RAB10: variants seen among roughly 807,000 people sequenced by gnomAD.
RAB10 encodes ras-related protein Rab-10.
RAB10 carries 5 observed loss-of-function variants against 25.7 expected under a neutral mutation model. That is an observed-to-expected ratio of 0.19 (90% CI 0.10 to 0.41). The LOEUF (loss-of-function observed/expected upper bound fraction) is 0.41, where lower values mean the gene tolerates loss of function less well. Among genes scored for constraint, RAB10 ranks in the 10% least tolerant of loss-of-function variants. The pLI, the probability that RAB10 is intolerant of heterozygous loss-of-function variation, is 1.00. For synonymous variants in RAB10, 89 were observed against 86.4 expected (o/e 1.03, Z -0.16); for missense variants, 103 against 245.8 (o/e 0.42, Z 3.89).
At chr2:26,103,377 C>T (rs909311894) in intron 2 of RAB10, among the ~76,000 whole-genome samples, 4 of 152,180 alleles carry the variant, frequency 2.6e-5, no homozygotes, top group South Asian at 2.1e-4. Context: ...AACAAACTTA[C>T]GAATTTAAAA....
chr2:26,116,848 G>A (rs1424628237), intron 3 of RAB10, among the ~76,000 whole-genome samples: 1 of 151,202 alleles, frequency 6.6e-6, no homozygotes, highest in African/African-American at 2.4e-5. Flanking sequence ...GAGCCACCAC[G>A]CCCGGCCTTT....
At chr2:26,087,609 C>T (rs1374881255) in intron 1 of RAB10, among the ~76,000 whole-genome samples, 1 of 152,100 alleles carries the variant, frequency 6.6e-6, no homozygotes, top group East Asian at 1.9e-4. Flanking sequence ...CACCAGTTGA[C>T]CAGGTTGGTC....
At chr2:26,120,932 G>A (rs552633695) in intron 3 of RAB10, among the ~76,000 whole-genome samples, 1 of 150,104 alleles carries the variant, frequency 6.7e-6, no homozygotes, top group South Asian at 2.1e-4. Flanking sequence ...TTTTTCCCGA[G>A]ACAAAGTCTT....
At position 26,034,188 on chromosome 2, in the gene RAB10, G is replaced by A. The variant is rs1193402693; in HGVS notation, c.-421G>A. 4.7e-6 allele frequency: 2 copies of A among 428,346 alleles called. No homozygotes were observed. Among genetic ancestry groups the A allele is most frequent in the Non-Finnish European group, 4.1e-6 (1 of 242,140 alleles). The allele number at this position is 428,346 out of a possible 1,614,324, so 26.5% of individuals were successfully genotyped here. A position where few individuals can be genotyped will look rare whatever the true frequency, so the allele number is the denominator to read the frequency against. On this transcript the variant is annotated 5_prime_UTR_variant, in exon 1 of 6. Coordinates refer to ENST00000264710, the MANE Select transcript of RAB10 (RefSeq NM_016131.5). ...CTATGTAACTGAGCTCGTCGACTTA[G>A]GGGTCCTTCTTCGCTGCCCTCGCCG...
At chr2:26,074,764 A>G (rs1666697100) in intron 1 of RAB10, among the ~76,000 whole-genome samples, 1 of 152,212 alleles carries the variant, frequency 6.6e-6, no homozygotes, top group African/African-American at 2.4e-5. Context: ...AGTTAAGAGC[A>G]TGGGATCTGG....
Position 26,136,823 on chromosome 2 carries a change from T to G in RAB10, c.*1802T>G, listed in dbSNP as rs1029190493. 4.6e-5 allele frequency: 7 copies of G among 152,614 alleles called. No individual in the cohort carries two copies. Among genetic ancestry groups the G allele is most frequent in the African/African-American group, 1.7e-4 (7 of 41,456 alleles). The allele number at this position is 152,614 out of a possible 1,614,324, so 9.5% of individuals were successfully genotyped here. ...AAACAATTTTATATGCCTCACTGGT[T>G]GTTATTCTTAGGTTATTCCCACACT... On this transcript the variant is annotated 3_prime_UTR_variant, in exon 6 of 6. Coordinates refer to ENST00000264710, the MANE Select transcript of RAB10 (RefSeq NM_016131.5).
At chr2:26,127,619 C>T (rs1047877885) in intron 4 of RAB10, among the ~76,000 whole-genome samples, 2 of 152,116 alleles carry the variant, frequency 1.3e-5, no homozygotes, top group Non-Finnish European at 2.9e-5. Context: ...CATAAGTTTG[C>T]CCCCAGTGTG....
chr2:26,079,046 G>A (rs1482842669), intron 1 of RAB10, among the ~76,000 whole-genome samples: 3 of 152,040 alleles, frequency 2.0e-5, no homozygotes, highest in Non-Finnish European at 4.4e-5. Context: ...AATTAGCTGA[G>A]TATGGTGGTG....
intron 1 of RAB10, among the ~76,000 whole-genome samples, chr2:26,048,042 T>G (rs1340375442): frequency 6.6e-6 from 1 of 151,822 alleles, no homozygotes; most frequent in South Asian, 2.1e-4. Flanking sequence ...CATTAGTTTT[T>G]TTTTTTTTTT....
chr2:26,042,863 G>A (rs1574524241), intron 1 of RAB10: 1 of 151,820 alleles, frequency 6.6e-6, no homozygotes, highest in East Asian at 1.9e-4. Flanking sequence ...AAGATGTTCA[G>A]CATCACTAAT....
At chr2:26,044,995 G>GTTT (rs80128722) in intron 1 of RAB10, among the ~76,000 whole-genome samples, 1 of 136,668 alleles carries the variant, frequency 7.3e-6, no homozygotes, top group South Asian at 2.4e-4. Context: ...TTTTGTTTTT[G>GTTT]TTTTTTTTTT....
In RAB10 at chr2:26,034,300, G is replaced by T. The variant is rs1048011648; in HGVS notation, c.-309G>T. ...GACGGCAGAGCAGGCTTGCTCGCCC[G>T]TGGGAGCGTCCCGGCCGAGAAGCCC... is the stretch of plus-strand genomic sequence containing the variant. On this transcript the variant is annotated 5_prime_UTR_variant, in exon 1 of 6. Coordinates refer to ENST00000264710, the MANE Select transcript of RAB10 (RefSeq NM_016131.5). 3.7e-6 allele frequency: 2 copies of T among 546,088 alleles called. No individual in the cohort carries two copies. Among genetic ancestry groups the T allele is most frequent in the Non-Finnish European group, 6.5e-6 (2 of 306,134 alleles). 33.8% of individuals were successfully genotyped at this position (546,088 alleles called of 1,614,324 possible).
intron 3 of RAB10, among the ~76,000 whole-genome samples, chr2:26,118,055 C>A (rs752956814): frequency 6.6e-6 from 1 of 152,044 alleles, no homozygotes; most frequent in Admixed American, 6.6e-5. Flanking sequence ...TCACTGCAAA[C>A]TCCACCTCCC....
At chr2:26,133,766 C>T (rs1427803185) in intron 5 of RAB10, among the ~76,000 whole-genome samples, 3 of 151,858 alleles carry the variant, frequency 2.0e-5, no homozygotes, top group African/African-American at 4.8e-5. Context: ...CTCTGCCTCC[C>T]GAGTTCAAGC....
chr2:26,071,750 C>A (rs1001658482), intron 1 of RAB10, among the ~76,000 whole-genome samples: 5 of 151,394 alleles, frequency 3.3e-5, no homozygotes, highest in Admixed American at 2.6e-4. Flanking sequence ...GCCTGTAATT[C>A]CAGCTACCCA....
intron 1 of RAB10, among the ~76,000 whole-genome samples, chr2:26,039,439 A>G (rs1191692945): frequency 3.3e-5 from 5 of 151,770 alleles, no homozygotes; most frequent in Non-Finnish European, 7.4e-5. Flanking sequence ...TCCACTTCCC[A>G]GATTCAAGCA....
At chr2:26,095,122 A>G (rs925765562) in intron 1 of RAB10, among the ~76,000 whole-genome samples, 1 of 152,194 alleles carries the variant, frequency 6.6e-6, no homozygotes, top group Non-Finnish European at 1.5e-5. Flanking sequence ...AATCTGAACC[A>G]TGAGGCCTGG....
intron 1 of RAB10, among the ~76,000 whole-genome samples, chr2:26,090,793 G>A (rs1667089116): frequency 6.6e-6 from 1 of 152,006 alleles, no homozygotes; most frequent in Admixed American, 6.6e-5. Context: ...AGTTAACTGG[G>A]TGTGGTGGCA....
chr2:26,080,920 T>C (rs1666855885), intron 1 of RAB10, among the ~76,000 whole-genome samples: 1 of 152,186 alleles, frequency 6.6e-6, no homozygotes, highest in Non-Finnish European at 1.5e-5. Flanking sequence ...CCTGTTGATA[T>C]GGTCTGGCTG....
Sources: gnomAD v4.1 joint callset for allele counts (sites outside exome capture counted in the v4.1 genomes callset) on GRCh38, gnomAD v4.1.1 for gene constraint, MANE v1.5 for transcripts, NCBI Gene and HGNC (gene_info 2026-07-23, HGNC 2026-07-21) for gene names.